Variants in EPS8 observed in about 807,000 individuals in gnomAD.
EPS8 encodes the protein EGFR pathway substrate 8, signaling adaptor.
In EPS8, 42 loss-of-function variants were observed where a neutral mutation model predicts 103.8. The ratio of observed to expected loss-of-function variants is 0.40; its 90% CI spans 0.32 to 0.52. EPS8 has a LOEUF of 0.52. Among genes scored for constraint, EPS8 ranks in the 20% least tolerant of loss-of-function variants. The pLI is 0.40. For synonymous variants in EPS8, 344 were observed against 344.6 expected, an observed-to-expected ratio of 1.00 and a Z score of 0.02; for missense variants, 969 against 1,005.1, an observed-to-expected ratio of 0.96 and a Z score of 0.49.
chr12:15,645,534 G>T (rs1187331162), intron 15 of EPS8, among the ~76,000 whole-genome samples: 1 of 151,982 alleles, frequency 6.6e-6, no homozygotes, highest in Non-Finnish European at 1.5e-5. Flanking sequence ...AGCAGAAGGG[G>T]TACAAAGATA....
intron 17 of EPS8, among the ~76,000 whole-genome samples, chr12:15,632,217 A>G (rs1427366216): frequency 6.6e-6 from 1 of 152,180 alleles, no homozygotes; most frequent in Non-Finnish European, 1.5e-5. Context: ...CCTTGTTAAA[A>G]TGGAAATGTC....
intron 1 of EPS8, among the ~76,000 whole-genome samples, chr12:15,737,213 T>C (rs1946775417): frequency 6.6e-6 from 1 of 152,060 alleles, no homozygotes; most frequent in Non-Finnish European, 1.5e-5. Context: ...TTTGGTGCCG[T>C]AATAGAGGTT....
At chr12:15,651,687 C>T (rs1191187010) in intron 13 of EPS8, among the ~76,000 whole-genome samples, 3 of 152,066 alleles carry the variant, frequency 2.0e-5, no homozygotes, top group East Asian at 1.9e-4. Context: ...AGGACAAAAA[C>T]GAGGGCTTCA....
At chr12:15,788,445 G>A (rs1947332149) in intron 1 of EPS8, among the ~76,000 whole-genome samples, 1 of 152,152 alleles carries the variant, frequency 6.6e-6, no homozygotes, top group South Asian at 2.1e-4. Context: ...AGAACGGTCG[G>A]TGCAAAGATT....
rs943131452 is a variant in EPS8, at chr12:15,706,660, T to C, written c.-21-23688A>G. 6.6e-6 allele frequency among the ~76,000 whole-genome samples: 1 copy of C among 152,216 alleles called. No individual in the cohort carries two copies. The highest frequency in any genetic ancestry group is 2.4e-5 in the African/African-American group (1 of 41,452). On this transcript the variant is annotated intron_variant, in intron 1 of 20. Transcript: ENST00000281172. The surrounding 1 kb of genome is among the most constrained non-coding windows in gnomAD (Gnocchi z 5.2). ...TTTGCATTTTCTTTCAAAAACATCT[T>C]GAATCTCATCTTTCTTTTAGGTGAA...
chr12:15,712,781 C>T (rs192229476), intron 1 of EPS8: 1 of 743,536 alleles, frequency 1.3e-6, no homozygotes, highest in African/African-American at 1.9e-5. Flanking sequence ...TCTACAAATA[C>T]CCTTTATAAT....
In EPS8 at chr12:15,735,875, G is replaced by C. The variant is rs2135999689; in HGVS notation, c.-21-52903C>G. On this transcript the variant is annotated intron_variant, in intron 1 of 20. Coordinates refer to ENST00000281172, the MANE Select transcript of EPS8 (RefSeq NM_004447.6). The surrounding 1 kb of genome is among the most constrained non-coding windows in gnomAD (Gnocchi z 4.4). The stretch of plus-strand genomic sequence containing the variant: ...AAAAAAATGCCAATAATAGGACAAA[G>C]ACAAAGAGTTTGTGTTTTTTTGTGT... Among the ~76,000 whole-genome samples, 1 of 151,946 alleles carries C rather than the reference G, an allele frequency of 6.6e-6. No homozygotes were observed. Among genetic ancestry groups the C allele is most frequent in the South Asian group, 2.1e-4 (1 of 4,830 alleles).
chr12:15,648,560 A>G (rs1297883338), intron 14 of EPS8, among the ~76,000 whole-genome samples: 1 of 152,232 alleles, frequency 6.6e-6, no homozygotes, highest in African/African-American at 2.4e-5. Flanking sequence ...TCTGAGCTCA[A>G]TTAATTCAGT....
chr12:15,673,572 T>C (rs774002004), intron 3 of EPS8, among the ~76,000 whole-genome samples: 3 of 152,194 alleles, frequency 2.0e-5, no homozygotes, highest in Non-Finnish European at 2.9e-5. Flanking sequence ...AATCCTCTAA[T>C]GAAATTCACC....
At chr12:15,667,576 C>T (rs1417659109) in intron 6 of EPS8, among the ~76,000 whole-genome samples, 1 of 151,802 alleles carries the variant, frequency 6.6e-6, no homozygotes, top group African/African-American at 2.4e-5. Flanking sequence ...ACTGAAGATG[C>T]CTAGGAATCT....
intron 1 of EPS8, among the ~76,000 whole-genome samples, chr12:15,740,915 A>C (rs1170913275): frequency 6.6e-6 from 1 of 152,184 alleles, no homozygotes; most frequent in Non-Finnish European, 1.5e-5. Flanking sequence ...AAAAAAGGTC[A>C]ATTTCTTTTT....
At chr12:15,670,017 A>G (rs1565491214) in intron 4 of EPS8, among the ~76,000 whole-genome samples, 192 bp from the exon 5 acceptor site, 1 of 152,230 alleles carries the variant, frequency 6.6e-6, no homozygotes, top group Non-Finnish European at 1.5e-5. Context: ...TTTGAATAGA[A>G]GAAATGGTGT....
At chr12:15,634,487 A>G (rs1175339986) in intron 17 of EPS8, among the ~76,000 whole-genome samples, 1 of 152,218 alleles carries the variant, frequency 6.6e-6, no homozygotes, top group Admixed American at 6.5e-5. Context: ...GAGAGATAAG[A>G]TCCTGATTCA....
intron 1 of EPS8, among the ~76,000 whole-genome samples, chr12:15,729,414 G>T (rs1946688836): frequency 6.6e-6 from 1 of 151,736 alleles, no homozygotes; most frequent in African/African-American, 2.4e-5. Flanking sequence ...TTTTGTAATT[G>T]TCTCACAATT....
rs950634100 is a variant in EPS8, at chr12:15,762,358, C to T, written c.-22+26803G>A. Among the ~76,000 whole-genome samples, 3 of 152,184 alleles carry T rather than the reference C, an allele frequency of 2.0e-5. No individual in the cohort carries two copies. The highest frequency in any genetic ancestry group is 2.0e-4 in the Admixed American group (3 of 15,282). On this transcript the variant is annotated intron_variant, in intron 1 of 20. Transcript: ENST00000281172. This position sits in a 1 kb window ranked among gnomAD's most constrained non-coding sequence, Gnocchi z 4.8. ...GTGGCGATGTAAATTACTGCAACCG[C>T]TATGCAGAACAGTTTGGCGGTGCCT...
chr12:15,645,554 C>A (rs1290997249), intron 15 of EPS8, among the ~76,000 whole-genome samples: 1 of 151,978 alleles, frequency 6.6e-6, no homozygotes, highest in Non-Finnish European at 1.5e-5. Context: ...ATAACTAAAT[C>A]AATAAATGAA....
At position 15,762,240 on chromosome 12, in the gene EPS8, T is replaced by C. The variant is rs150712269; in HGVS notation, c.-22+26921A>G. Among the ~76,000 whole-genome samples the C allele has an allele frequency of 1.4e-3, 216 of 152,266 alleles. 1 individual carries two copies. The highest frequency in any genetic ancestry group is 5.0e-3 in the African/African-American group (208 of 41,552). ...AAATTAAAACTACAATAAGATATCA[T>C]CTCATGCTAGTTAAGATGGCTTTTA... is the stretch of plus-strand genomic sequence containing the variant. On this transcript the variant is annotated intron_variant, in intron 1 of 20. Transcript: ENST00000281172. This position sits in a 1 kb window ranked among gnomAD's most constrained non-coding sequence, Gnocchi z 4.8.
chr12:15,744,182 C>G (rs1946852558), intron 1 of EPS8, among the ~76,000 whole-genome samples: 1 of 152,196 alleles, frequency 6.6e-6, no homozygotes, highest in Non-Finnish European at 1.5e-5. Flanking sequence ...CACTGGCCAT[C>G]AGAGAGATCA....
chr12:15,709,608 A>C (rs1946434386), intron 1 of EPS8, among the ~76,000 whole-genome samples: 2 of 152,234 alleles, frequency 1.3e-5, no homozygotes, highest in African/African-American at 4.8e-5. Flanking sequence ...TGAATGGGCA[A>C]AGGGAGCCCA....
Sources: allele counts gnomAD v4.1 joint callset (sites outside exome capture counted in the v4.1 genomes callset), GRCh38; gene constraint gnomAD v4.1.1; non-coding constraint Gnocchi (gnomAD v3.1); transcripts MANE v1.5; gene names NCBI Gene and HGNC (gene_info 2026-07-23, HGNC 2026-07-21).